ZFAND3: variants seen among roughly 807,000 people sequenced by gnomAD.
The protein encoded by ZFAND3 is zinc finger AN1-type containing 3.
Under a neutral mutation model 29.6 loss-of-function variants are expected in ZFAND3, and 10 were observed. The observed-to-expected ratio is 0.34, with a 90% CI of 0.21 to 0.57. The LOEUF is 0.57. Ranked by LOEUF, ZFAND3 falls within the 20% of genes least tolerant of loss-of-function variation. The pLI is 0.86. For missense variants in ZFAND3, 230 were observed against 304.5 expected, an observed-to-expected ratio of 0.76 and a Z score of 1.82; for synonymous variants, 128 against 112.6, an observed-to-expected ratio of 1.14 and a Z score of -0.87.
intron 2 of ZFAND3, among the ~76,000 whole-genome samples, chr6:37,986,677 A>G (rs1238242447): frequency 6.6e-6 from 1 of 152,184 alleles, no homozygotes; most frequent in East Asian, 1.9e-4. Context: ...TTCGCAGTTC[A>G]TTTAGTCTTC....
chr6:37,908,788 A>G (rs1162018925), intron 1 of ZFAND3, among the ~76,000 whole-genome samples: 1 of 150,926 alleles, frequency 6.6e-6, no homozygotes, highest in East Asian at 1.9e-4. Flanking sequence ...GCTTAGAGGT[A>G]CTGAATGCCA....
chr6:37,952,180 C>T (rs963945564), intron 2 of ZFAND3, among the ~76,000 whole-genome samples: 5 of 152,040 alleles, frequency 3.3e-5, no homozygotes, highest in South Asian at 2.1e-4. Context: ...GTGTGTGTCT[C>T]GGCCAGGTTT....
intron 2 of ZFAND3, among the ~76,000 whole-genome samples, chr6:38,019,848 A>G (rs1440851439): frequency 6.6e-6 from 1 of 152,136 alleles, no homozygotes; most frequent in South Asian, 2.1e-4. Context: ...CGGCCTCCCA[A>G]GTAGCTGGGA....
At chr6:38,060,516 G>GCCCTTTCCCCTT (rs1398707025) in intron 2 of ZFAND3, among the ~76,000 whole-genome samples, 1 of 132,868 alleles carries the variant, frequency 7.5e-6, no homozygotes, top group Non-Finnish European at 1.5e-5. Flanking sequence ...CCCTTGCCCT[G>GCCCTTTCCCCTT]CCCTTTCCCC....
At chr6:37,950,554 A>AT (rs1412123405) in intron 2 of ZFAND3, among the ~76,000 whole-genome samples, 4 of 151,176 alleles carry the variant, frequency 2.6e-5, no homozygotes, top group Non-Finnish European at 5.9e-5. Flanking sequence ...ATTTTTTTGT[A>AT]TTTTTGTGGA....
chr6:37,826,241 C>T (rs983840186), intron 1 of ZFAND3, among the ~76,000 whole-genome samples: 1 of 142,308 alleles, frequency 7.0e-6, no homozygotes, highest in Non-Finnish European at 1.5e-5. Flanking sequence ...TTTTGGATTT[C>T]GTGGGACTTT....
At chr6:37,852,440 TC>T (rs1225380742) in intron 1 of ZFAND3, among the ~76,000 whole-genome samples, 1 of 152,212 alleles carries the variant, frequency 6.6e-6, no homozygotes, top group Non-Finnish European at 1.5e-5. Context: ...TGAAGATTTT[TC>T]TTTTTCTGCC....
At chr6:38,151,506 G>A (rs1396723737) in intron 5 of ZFAND3, among the ~76,000 whole-genome samples, 1 of 150,982 alleles carries the variant, frequency 6.6e-6, no homozygotes, top group Non-Finnish European at 1.5e-5. Flanking sequence ...ACAGCTGGGG[G>A]TCCGAGTGTG....
Position 38,154,365 on chromosome 6 carries a change from C to CT in ZFAND3, c.*1978dup. 1.1e-6 allele frequency: 1 copy of CT among 944,176 alleles called. No individual in the cohort carries two copies. The highest frequency in any genetic ancestry group is 1.3e-6 in the Non-Finnish European group (1 of 799,288). The allele number at this position is 944,176 out of a possible 1,614,324, so 58.5% of individuals were successfully genotyped here. ...AGCGAAGCCCATGTTCGCTTCCTGACTTAGAGCTGGGGGGGGTGGGGGGTG... is the reference window on the plus strand; with the variant it reads ...AGCGAAGCCCATGTTCGCTTCCTGACTTTAGAGCTGGGGGGGGTGGGGGGTG... On this transcript the variant is annotated 3_prime_UTR_variant, in exon 6 of 6. Transcript: ENST00000287218.
chr6:37,931,367 T>C (rs1007248865), intron 2 of ZFAND3, among the ~76,000 whole-genome samples: 2 of 151,994 alleles, frequency 1.3e-5, no homozygotes, highest in Non-Finnish European at 2.9e-5. Flanking sequence ...GAGGTAACCT[T>C]GAGCTGTTAG....
intron 1 of ZFAND3, among the ~76,000 whole-genome samples, chr6:37,857,306 A>T (rs2127382053): frequency 6.6e-6 from 1 of 152,352 alleles, no homozygotes; most frequent in East Asian, 1.9e-4. Context: ...ACACTGTGCT[A>T]AGGCTCTGCA....
chr6:37,888,646 T>TTTATA (rs1765041670), intron 1 of ZFAND3, among the ~76,000 whole-genome samples: 1 of 152,218 alleles, frequency 6.6e-6, no homozygotes, highest in Non-Finnish European at 1.5e-5. Context: ...TATATTTTTG[T>TTTATA]TTAATTTCCC....
chr6:37,891,329 AT>A lies in ZFAND3; in HGVS notation c.72-38626del. ...TTTAGTCATTCATTAGTTGATGGGCATTTTGGTTGTTTCAACGTAGAGCACC... is the reference window on the plus strand; with the variant it reads ...TTTAGTCATTCATTAGTTGATGGGCATTTGGTTGTTTCAACGTAGAGCACC... On this transcript the variant is annotated intron_variant, in intron 1 of 5. Coordinates refer to ENST00000287218, the MANE Select transcript of ZFAND3 (RefSeq NM_021943.3). Among the ~76,000 whole-genome samples, 2 of 150,644 alleles carry A rather than the reference AT, an allele frequency of 1.3e-5. 1 individual carries two copies.
At chr6:37,870,168 G>A (rs921395966) in intron 1 of ZFAND3, among the ~76,000 whole-genome samples, 51 of 151,998 alleles carry the variant, frequency 3.4e-4, no homozygotes, top group South Asian at 1.2e-3. Flanking sequence ...TGTTAGCTGG[G>A]TGTGGTGGCA....
At chr6:38,152,164 C>G in intron 5 of ZFAND3, 71 bp from the exon 6 acceptor site, 1 of 1,389,064 alleles carries the variant, frequency 7.2e-7, no homozygotes, top group Non-Finnish European at 9.6e-7. Context: ...TGGACAAAGG[C>G]AATTGTGAGG....
At chr6:38,077,545 G>T (rs757266703) in intron 3 of ZFAND3, among the ~76,000 whole-genome samples, 2 of 152,182 alleles carry the variant, frequency 1.3e-5, no homozygotes, top group Non-Finnish European at 2.9e-5. Flanking sequence ...TAGAATATTT[G>T]ATTATTGTGC....
intron 2 of ZFAND3, among the ~76,000 whole-genome samples, chr6:38,026,002 A>G (rs1763439977): frequency 6.6e-6 from 1 of 152,190 alleles, no homozygotes; most frequent in South Asian, 2.1e-4. Context: ...GCCTAAAACT[A>G]TTGAACTATT....
chr6:38,048,172 A>G (rs139556458), intron 2 of ZFAND3, among the ~76,000 whole-genome samples: 1 of 151,656 alleles, frequency 6.6e-6, no homozygotes, highest in Non-Finnish European at 1.5e-5. Flanking sequence ...TGCCTGGCCA[A>G]TTTTTGTATT....
intron 2 of ZFAND3, among the ~76,000 whole-genome samples, chr6:38,006,705 A>T (rs1355596325): frequency 7.6e-6 from 1 of 131,690 alleles, no homozygotes; most frequent in Non-Finnish European, 1.6e-5. Flanking sequence ...CAAGCTTTGG[A>T]GGGACGAAGA....
Sources: gnomAD v4.1 joint callset for allele counts (sites outside exome capture counted in the v4.1 genomes callset) on GRCh38, gnomAD v4.1.1 for gene constraint, MANE v1.5 for transcripts, NCBI Gene and HGNC (gene_info 2026-07-23, HGNC 2026-07-21) for gene names.